SHISA5: variants seen among roughly 807,000 people sequenced by gnomAD.
SHISA5 encodes the protein shisa family member 5.
Under a neutral mutation model 27.5 loss-of-function variants are expected in SHISA5, and 21 were observed. The ratio of observed to expected loss-of-function variants is 0.76; its 90% CI spans 0.54 to 1.10. The LOEUF (loss-of-function observed/expected upper bound fraction) is 1.10, where lower values mean the gene tolerates loss of function less well. SHISA5 is among the 50% of genes least tolerant of loss of function. SHISA5 has a pLI of 0.00. For synonymous variants in SHISA5, 137 were observed against 142.2 expected (o/e 0.96, Z 0.26); for missense variants, 314 against 336.3 (o/e 0.93, Z 0.52).
At position 48,468,256 on chromosome 3, in the gene SHISA5, C is replaced by T. The variant is rs1459351490; in HGVS notation, c.*851G>A. 8.0e-6 allele frequency: 8 copies of T among 999,910 alleles called. No individual in the cohort carries two copies. Among genetic ancestry groups the T allele is most frequent in the East Asian group, 2.1e-4 (2 of 9,530 alleles). 61.9% of individuals were successfully genotyped at this position (999,910 alleles called of 1,614,324 possible). A position where few individuals can be genotyped will look rare whatever the true frequency, so the allele number is the denominator to read the frequency against. ...AACAGAAAACAGGCAAAATGTTTGG[C>T]TAAAATAAAATGAAAACACTGCAGG... On this transcript the variant is annotated 3_prime_UTR_variant, in exon 6 of 6. Coordinates refer to ENST00000296444, the MANE Select transcript of SHISA5 (RefSeq NM_016479.6).
chr3:48,490,739 C>T (rs748877628), intron 2 of SHISA5, among the ~76,000 whole-genome samples: 8 of 152,118 alleles, frequency 5.3e-5, no homozygotes, highest in Non-Finnish European at 8.8e-5. Flanking sequence ...AAACATGTTT[C>T]TTTGCCATAT....
rs369579445 is a variant in SHISA5, at chr3:48,469,312, G to C, written c.643+49C>G. 5.1e-6 allele frequency: 8 copies of C among 1,565,446 alleles called. No homozygotes were observed. The African/African-American group carries it at 1.1e-4, about 21-fold the overall frequency. ...TGGGATGGGTGCCCGAGGGATGCTG[G>C]CAGAGACTCGGGAAGTCGGGCAGGG... On this transcript the variant is annotated intron_variant, in intron 5 of 5. Coordinates refer to ENST00000296444, the MANE Select transcript of SHISA5 (RefSeq NM_016479.6). This position sits in a 1 kb window ranked among gnomAD's most constrained non-coding sequence, Gnocchi z 4.6.
Position 48,493,854 on chromosome 3 carries a change from A to C in SHISA5, c.233+7283T>G, listed in dbSNP as rs1418257557. On this transcript the variant is annotated intron_variant, in intron 2 of 5. Coordinates refer to ENST00000296444, the MANE Select transcript of SHISA5 (RefSeq NM_016479.6). ...ATCCGATTTCTTTTTTAACTGACAA[A>C]AATTGTATATATTTATAGCGTACAA... Among the ~76,000 whole-genome samples, 4 of 147,358 alleles carry C rather than the reference A, an allele frequency of 2.7e-5. No individual in the cohort carries two copies. In the East Asian group the frequency reaches 7.7e-4, roughly 28 times the overall value.
At chr3:48,483,402 G>T (rs917104186) in intron 2 of SHISA5, among the ~76,000 whole-genome samples, 5 of 152,052 alleles carry the variant, frequency 3.3e-5, no homozygotes, top group African/African-American at 1.2e-4. Context: ...CACAGGGTTG[G>T]GGGTAAGGTC....
At chr3:48,479,363 G>C in intron 2 of SHISA5, 106 bp from the exon 3 acceptor site, 1 of 1,118,856 alleles carries the variant, frequency 8.9e-7, no homozygotes, top group Non-Finnish European at 1.3e-6. Flanking sequence ...ACTATGAACC[G>C]GTGGCTTCAA....
At chr3:48,492,931 C>T (rs2041474833) in intron 2 of SHISA5, among the ~76,000 whole-genome samples, 1 of 147,494 alleles carries the variant, frequency 6.8e-6, no homozygotes, top group South Asian at 2.1e-4. Flanking sequence ...GCACCCTGAT[C>T]TTAAACCTCC....
At chr3:48,503,093 A>G (rs1292730163) in intron 1 of SHISA5, 2 of 1,289,518 alleles carry the variant, frequency 1.6e-6, no homozygotes, top group Non-Finnish European at 2.0e-6. Context: ...CCAGCTGCCC[A>G]CCTGAAAGCT....
At position 48,467,892 on chromosome 3, in the gene SHISA5, T is replaced by G. The variant is rs558332982; in HGVS notation, c.*1215A>C. On this transcript the variant is annotated 3_prime_UTR_variant, in exon 6 of 6. Coordinates refer to ENST00000296444, the MANE Select transcript of SHISA5 (RefSeq NM_016479.6). ...GGCAGCAGCTCCAAACGATTGCATT[T>G]ATTATAAACAAGTGTACAGACCCTA... The G allele has an allele frequency of 4.1e-4, 201 of 488,328 alleles. 2 individuals are homozygous for G. Among genetic ancestry groups the G allele is most frequent in the African/African-American group, 3.6e-3 (186 of 51,852 alleles). 30.2% of individuals were successfully genotyped at this position (488,328 alleles called of 1,614,324 possible). A position where few individuals can be genotyped will look rare whatever the true frequency, so the allele number is the denominator to read the frequency against.
chr3:48,479,211 TCA>T lies in SHISA5; in HGVS notation c.278_279del (p.Leu93GlnfsTer227), dbSNP rs2107318441. On this transcript the variant is annotated frameshift_variant, in exon 3 of 6. Transcript: ENST00000296444. LOFTEE classifies it high-confidence loss of function. Reference protein sequence around the residue: ...VEPVEQLGSALRFRPGYNDPM... With the variant: ...VEPVEQLGSAXRFRPGYNDPM... ...GGGTCGTTGTAGCCAGGGCGAAACC[TCA>T]GCGCCGAGCCCAGCTGCTCCACCGG... 3 of 1,603,194 alleles carry T rather than the reference TCA, an allele frequency of 1.9e-6. No homozygotes were observed. Among genetic ancestry groups the T allele is most frequent in the Middle Eastern group, 1.7e-4 (1 of 6,008 alleles).
chr3:48,488,833 CA>C lies in SHISA5; in HGVS notation c.234-9577del, dbSNP rs367782789. 5.4e-3 allele frequency among the ~76,000 whole-genome samples: 265 copies of C among 48,636 alleles called. 1 individual carries two copies. Among genetic ancestry groups the C allele is most frequent in the East Asian group, 0.044 (75 of 1,686 alleles). The allele number at this position is 48,636 out of a possible 152,430, so 31.9% of individuals were successfully genotyped here. On this transcript the variant is annotated intron_variant, in intron 2 of 5. Transcript: ENST00000296444. ...GAGCAACAAGAGCGAAACTCCGTCT[CA>C]AAAAAAAAAAAAAAAAAGTGAAAAA... is the stretch of plus-strand genomic sequence containing the variant.
chr3:48,479,283 G>A (rs924812194), intron 2 of SHISA5, 26 bp from the exon 3 acceptor site: 44 of 1,586,672 alleles, frequency 2.8e-5, no homozygotes, highest in Non-Finnish European at 3.2e-5. Flanking sequence ...CTTGTGATTA[G>A]CACAATGAAG....
intron 2 of SHISA5, among the ~76,000 whole-genome samples, chr3:48,499,449 T>A (rs1322625085): frequency 1.3e-5 from 2 of 151,964 alleles, no homozygotes; most frequent in African/African-American, 4.8e-5. Context: ...CAGGCCAAGA[T>A]GGGCAGATCA....
intron 2 of SHISA5, among the ~76,000 whole-genome samples, chr3:48,487,789 GGGAGGCTGAGGTA>G (rs1350987987): frequency 2.6e-5 from 4 of 152,144 alleles, no homozygotes; most frequent in African/African-American, 9.7e-5. Context: ...CAAGTTGCTT[GGGAGGCTGAGGTA>G]GGAGAATCGC....
Position 48,469,832 on chromosome 3 carries a change from G to A in SHISA5, c.326C>T (p.Thr109Ile), listed in dbSNP as rs1261435818. The change falls in exon 4 of 6, where the codon ACC (threonine) becomes ATC (isoleucine). Residue 109 changes from threonine (T) to isoleucine (I), a missense_variant. Physicochemically the swap from Thr to Ile is moderately conservative, Grantham distance 89. Transcript: ENST00000296444. The surrounding 1 kb of genome is among the most constrained non-coding windows in gnomAD (Gnocchi z 4.6). ...AAAGATGGTCAGGCCAACGGCCAAG[G>A]TCGCTCCGAACCTGCCAAAGAGCTA... ...YNDPMSGFGA[T>I]LAVGLTIFVL... The A allele has an allele frequency of 2.5e-6, 4 of 1,613,522 alleles. No individual in the cohort carries two copies. Among genetic ancestry groups the A allele is most frequent in the Non-Finnish European group, 3.4e-6 (4 of 1,179,800 alleles).
intron 2 of SHISA5, among the ~76,000 whole-genome samples, chr3:48,483,630 G>A (rs1254327670): frequency 4.0e-5 from 6 of 151,562 alleles, no homozygotes; most frequent in Non-Finnish European, 7.4e-5. Flanking sequence ...GGTGGTGGCC[G>A]GGCAGAGGGG....
rs2040730141 is a variant in SHISA5 at position 48,473,918 on chromosome 3, T to A, written c.315-4075A>T. ...TTTACCTACCAAAAAATACAAAAAT[T>A]AGCCAGGCTTGGTGGCACGCACCTG... On this transcript the variant is annotated intron_variant, in intron 3 of 5. Coordinates refer to ENST00000296444, the MANE Select transcript of SHISA5 (RefSeq NM_016479.6). This position sits in a 1 kb window ranked among gnomAD's most constrained non-coding sequence, Gnocchi z 4.3. 1.3e-5 allele frequency among the ~76,000 whole-genome samples: 2 copies of A among 150,238 alleles called. No individual in the cohort carries two copies. The highest frequency in any genetic ancestry group is 2.1e-4 in the South Asian group (1 of 4,794).
intron 2 of SHISA5, among the ~76,000 whole-genome samples, chr3:48,482,098 C>CA (rs60857818): frequency 4.2e-3 from 275 of 64,764 alleles, no homozygotes; most frequent in East Asian, 0.012. Flanking sequence ...GACTCTGTCT[C>CA]AAAAAAAAAA....
chr3:48,472,431 G>A (rs1374354588), intron 3 of SHISA5, among the ~76,000 whole-genome samples: 5 of 152,208 alleles, frequency 3.3e-5, no homozygotes, highest in Non-Finnish European at 7.3e-5. Context: ...ATGAGGCGGA[G>A]GTTGCAGTGA....
rs2040434627 is a variant in SHISA5 at position 48,468,336 on chromosome 3, A to G, written c.*771T>C. On this transcript the variant is annotated 3_prime_UTR_variant, in exon 6 of 6. Coordinates refer to ENST00000296444, the MANE Select transcript of SHISA5 (RefSeq NM_016479.6). ...AGCCCTGCTCACCTGTGGGAAGGGCAGGGCCAGCAAGGGCAGCAGAGCTCC... is the reference window on the plus strand; with the variant it reads ...AGCCCTGCTCACCTGTGGGAAGGGCGGGGCCAGCAAGGGCAGCAGAGCTCC... The G allele has an allele frequency of 3.8e-6, 4 of 1,049,328 alleles. No homozygotes were observed. Among genetic ancestry groups the G allele is most frequent in the Middle Eastern group, 4.6e-4 (1 of 2,168 alleles). The allele number at this position is 1,049,328 out of a possible 1,614,324, so 65.0% of individuals were successfully genotyped here.
Sources: gnomAD v4.1 joint callset for allele counts (sites outside exome capture counted in the v4.1 genomes callset) on GRCh38, gnomAD v4.1.1 for gene constraint, Gnocchi (gnomAD v3.1) non-coding constraint, MANE v1.5 for transcripts, NCBI Gene and HGNC (gene_info 2026-07-23, HGNC 2026-07-21) for gene names.